ERC1: variants seen among roughly 807,000 people sequenced by gnomAD.
ERC1 encodes the protein ELKS/RAB6-interacting/CAST family member 1, also known as RAB6 interacting protein 2.
ERC1 carries 56 observed loss-of-function variants against 132.0 expected under a neutral mutation model. That is an observed-to-expected ratio of 0.42 (90% CI 0.34 to 0.53). ERC1 has a LOEUF of 0.53. Among genes scored for constraint, ERC1 ranks in the 20% least tolerant of loss-of-function variants. The pLI is 0.03. For synonymous variants in ERC1, 478 were observed against 476.1 expected (o/e 1.00, Z -0.05); for missense variants, 1,202 against 1,349.9 (o/e 0.89, Z 1.72).
intron 15 of ERC1, among the ~76,000 whole-genome samples, chr12:1,336,527 A>G (rs1248060794): frequency 1.3e-5 from 2 of 152,212 alleles, no homozygotes; most frequent in African/African-American, 4.8e-5. Context: ...ATTCAGGAGT[A>G]GGTTGATCAA....
intron 16 of ERC1, among the ~76,000 whole-genome samples, chr12:1,406,086 C>T (rs1374818622): frequency 6.6e-6 from 1 of 152,132 alleles, no homozygotes; most frequent in Non-Finnish European, 1.5e-5. Flanking sequence ...TTACGCCAGA[C>T]ACCTTTTTAA....
intron 1 of ERC1, among the ~76,000 whole-genome samples, chr12:1,009,536 C>T (rs985317278): frequency 6.6e-6 from 1 of 152,154 alleles, no homozygotes; most frequent in Non-Finnish European, 1.5e-5. Context: ...GGGCCTAATA[C>T]AATCTTTCTC....
intron 16 of ERC1, among the ~76,000 whole-genome samples, chr12:1,384,956 A>T (rs2089152250): frequency 6.6e-6 from 1 of 152,216 alleles, no homozygotes; most frequent in South Asian, 2.1e-4. Context: ...CCTAACTTTT[A>T]ACAAGCTGAT....
rs1942500486 is a variant in ERC1, at chr12:1,083,329, A to G, written c.835A>G (p.Lys279Glu). 1 of 1,614,188 alleles carries G rather than the reference A, an allele frequency of 6.2e-7. No homozygotes were observed. ...TCATGCTGAGCATGAGCGGCAGGCC[A>G]AAGAGCTGTTTCTTCTTCGAAAGAC... ...RLHAEHERQA[K>E]ELFLLRKTLE... is the part of the protein sequence containing the mutation. The change falls in exon 3 of 19, where the codon AAA (lysine) becomes GAA (glutamate). Residue 279 changes from lysine to glutamate, a missense_variant. Coordinates refer to ENST00000360905, the MANE Select transcript of ERC1 (RefSeq NM_178040.4).
At chr12:1,282,860 T>C (rs1260278671) in intron 14 of ERC1, among the ~76,000 whole-genome samples, 3 of 152,244 alleles carry the variant, frequency 2.0e-5, no homozygotes, top group African/African-American at 4.8e-5. Context: ...GCTGAACCTC[T>C]GGATAATCTT....
At chr12:1,113,441 C>T (rs540354029) in intron 6 of ERC1, among the ~76,000 whole-genome samples, 1 of 152,322 alleles carries the variant, frequency 6.6e-6, no homozygotes, top group Admixed American at 6.5e-5. Flanking sequence ...CTTCCACATA[C>T]TGCTTACAAG....
intron 16 of ERC1, among the ~76,000 whole-genome samples, chr12:1,404,265 T>G (rs1483711628): frequency 6.6e-6 from 1 of 152,186 alleles, no homozygotes; most frequent in Non-Finnish European, 1.5e-5. Flanking sequence ...CGGGCCTTTT[T>G]CCAAGTATAA....
intron 14 of ERC1, 98 bp from the exon 15 acceptor site, chr12:1,289,754 T>A: frequency 1.2e-6 from 1 of 852,436 alleles, no homozygotes; most frequent in Non-Finnish European, 1.9e-6. Context: ...TTCCTGCGTC[T>A]CTTCAATTTT....
intron 8 of ERC1, 88 bp from the exon 9 acceptor site, chr12:1,180,448 GCTAT>G (rs1954317992): frequency 9.3e-6 from 11 of 1,179,474 alleles, no homozygotes; most frequent in South Asian, 5.6e-5. Context: ...ACAACCCTGA[GCTAT>G]CTGTTTTCAA....
At chr12:1,330,406 G>C (rs1465466470) in intron 15 of ERC1, among the ~76,000 whole-genome samples, 1 of 151,980 alleles carries the variant, frequency 6.6e-6, no homozygotes, top group African/African-American at 2.4e-5. Context: ...TACTTAAATT[G>C]CTGCCTGTTT....
chr12:1,050,744 AAGGTC>A (rs1451652003), intron 2 of ERC1, among the ~76,000 whole-genome samples: 3 of 152,190 alleles, frequency 2.0e-5, no homozygotes, highest in Non-Finnish European at 4.4e-5. Context: ...TATTAAGAAA[AAGGTC>A]AGGCCGAGCA....
At chr12:1,180,502 T>A in intron 8 of ERC1, 38 bp from the exon 9 acceptor site, 1 of 1,594,770 alleles carries the variant, frequency 6.3e-7, no homozygotes, top group Non-Finnish European at 8.6e-7. Flanking sequence ...TTTTTATACA[T>A]GTCCTCTCTT....
At chr12:1,298,556 A>C (rs949080683) in intron 15 of ERC1, among the ~76,000 whole-genome samples, 1 of 143,192 alleles carries the variant, frequency 7.0e-6, no homozygotes, top group Admixed American at 7.0e-5. Flanking sequence ...AAAAAAAAAA[A>C]CAAACAAACA....
chr12:1,286,433 G>A (rs1041867009), intron 14 of ERC1, among the ~76,000 whole-genome samples: 2 of 151,758 alleles, frequency 1.3e-5, no homozygotes, highest in Admixed American at 1.3e-4. Context: ...TAACTACCTA[G>A]CAATACAAGG....
chr12:1,112,941 C>G (rs751190143), intron 6 of ERC1, among the ~76,000 whole-genome samples: 10 of 152,066 alleles, frequency 6.6e-5, no homozygotes, highest in African/African-American at 1.7e-4. Flanking sequence ...GGATTTGCAT[C>G]TGTGTGTTTA....
chr12:1,200,530 A>G (rs1956806444), intron 12 of ERC1, among the ~76,000 whole-genome samples: 2 of 151,534 alleles, frequency 1.3e-5, no homozygotes, highest in Middle Eastern at 3.2e-3. Context: ...CTCTTTTCTC[A>G]TTCTGCTATC....
chr12:1,080,748 C>T (rs905072699), intron 2 of ERC1, among the ~76,000 whole-genome samples: 1 of 152,104 alleles, frequency 6.6e-6, no homozygotes. Flanking sequence ...GATTCTGAGG[C>T]TTCCTCAGCC....
chr12:1,164,485 G>T (rs529143093), intron 8 of ERC1, among the ~76,000 whole-genome samples: 1 of 151,224 alleles, frequency 6.6e-6, no homozygotes, highest in South Asian at 2.1e-4. Flanking sequence ...TTGACTACAG[G>T]CGCCCGCCAC....
intron 8 of ERC1, among the ~76,000 whole-genome samples, chr12:1,158,182 GACT>G (rs1315212600): frequency 3.3e-5 from 5 of 152,098 alleles, no homozygotes; most frequent in East Asian, 1.9e-4. Flanking sequence ...CATGTTTATT[GACT>G]ACTTTTTATT....
Sources: allele counts gnomAD v4.1 joint callset (sites outside exome capture counted in the v4.1 genomes callset), GRCh38; gene constraint gnomAD v4.1.1; transcripts MANE v1.5; gene names NCBI Gene and HGNC (gene_info 2026-07-23, HGNC 2026-07-21).